SLC14A2: variants seen among roughly 807,000 people sequenced by gnomAD.
SLC14A2 encodes solute carrier family 14 member 2.
A neutral mutation model predicts 104.6 loss-of-function variants in SLC14A2; 91 were observed. The ratio of observed to expected loss-of-function variants is 0.87; its 90% CI spans 0.73 to 1.04. The LOEUF is 1.04. Ranked by LOEUF, SLC14A2 falls within the 50% of genes least tolerant of loss-of-function variation. SLC14A2 has a pLI of 0.00. For missense variants in SLC14A2, 1,189 were observed against 1,156.0 expected, an observed-to-expected ratio of 1.03 and a Z score of -0.41; for synonymous variants, 476 against 466.4, an observed-to-expected ratio of 1.02 and a Z score of -0.27.
intron 17 of SLC14A2, among the ~76,000 whole-genome samples, chr18:45,673,375 G>A (rs114343637): frequency 0.032 from 4,911 of 152,234 alleles, 88 homozygotes; most frequent in African/African-American, 0.036. Context: ...TTAAGGTATC[G>A]ATGAAGGAGG....
intron 1 of SLC14A2, among the ~76,000 whole-genome samples, chr18:45,482,889 G>A (rs1482538197): frequency 6.6e-6 from 1 of 152,106 alleles, no homozygotes; most frequent in Admixed American, 6.6e-5. Context: ...TTATTTACTG[G>A]CAAAGGATAT....
intron 2 of SLC14A2, among the ~76,000 whole-genome samples, chr18:45,502,121 TG>T (rs941300602): frequency 4.6e-5 from 7 of 152,180 alleles, no homozygotes; most frequent in Admixed American, 6.5e-5. Context: ...GACTTTAGTG[TG>T]GGGCAGAAGA....
At chr18:45,432,556 C>T (rs546290525) in intron 1 of SLC14A2, among the ~76,000 whole-genome samples, 3 of 152,250 alleles carry the variant, frequency 2.0e-5, no homozygotes, top group South Asian at 2.1e-4. Context: ...CCAGAGTGAT[C>T]TAGGGGAGAC....
At position 45,358,620 on chromosome 18, in the gene SLC14A2, C is replaced by G. The variant is rs1359784519; in HGVS notation, c.-124-124613C>G. ...GGAGACAGGGTCTTGCTGTGTTGCC[C>G]AGACTGAAGAGCAGTGACATAATTA... On this transcript the variant is annotated intron_variant, in intron 1 of 20. Transcript: ENST00000586448. 3.9e-5 allele frequency among the ~76,000 whole-genome samples: 6 copies of G among 152,238 alleles called. No individual in the cohort carries two copies. The East Asian group carries it at 1.2e-3, about 29-fold the overall frequency.
Position 45,615,900 on chromosome 18 carries a change from A to G in SLC14A2, c.-35+318A>G, listed in dbSNP as rs115191509. On this transcript the variant is annotated intron_variant, in intron 1 of 19. Transcript: ENST00000255226. ...ACTACATTGTGAAATAGTCCACCAC[A>G]CAAGCCAGAGCAGAGGTCACCATGC... Among the ~76,000 whole-genome samples the G allele has an allele frequency of 7.6e-3, 1,164 of 152,248 alleles. 22 individuals carry two copies. The highest frequency in any genetic ancestry group is 0.027 in the African/African-American group (1,111 of 41,526).
chr18:45,170,272 G>A, the SLC14A2 span, among the ~76,000 whole-genome samples: 2 of 152,102 alleles, frequency 1.3e-5, no homozygotes, highest in Non-Finnish European at 2.9e-5. Context: ...GGTAGGATTT[G>A]GAGAGGCAGA....
chr18:45,250,387 C>T (rs1159652382), intron 1 of SLC14A2, among the ~76,000 whole-genome samples: 2 of 152,132 alleles, frequency 1.3e-5, no homozygotes, highest in Non-Finnish European at 2.9e-5. Context: ...CTTTATAACA[C>T]GTGATTGTCA....
intron 1 of SLC14A2, among the ~76,000 whole-genome samples, chr18:45,339,867 G>A (rs958369176): frequency 6.6e-6 from 1 of 152,234 alleles, no homozygotes; most frequent in Non-Finnish European, 1.5e-5. Flanking sequence ...TGTTAATAGT[G>A]CCAGGACAAC....
upstream of SLC14A2, among the ~76,000 whole-genome samples, chr18:45,208,877 C>T (rs1451021289): frequency 6.6e-6 from 1 of 151,670 alleles, no homozygotes. Flanking sequence ...GTAGCATGAA[C>T]ATAGAAATAC....
At chr18:45,679,644 T>C (rs1394484298) in intron 19 of SLC14A2, among the ~76,000 whole-genome samples, 1 of 152,160 alleles carries the variant, frequency 6.6e-6, no homozygotes, top group Non-Finnish European at 1.5e-5. Flanking sequence ...AGGGCACACT[T>C]TGCATGGACA....
intron 1 of SLC14A2, among the ~76,000 whole-genome samples, chr18:45,218,052 G>A (rs914167413): frequency 6.6e-6 from 1 of 151,994 alleles, no homozygotes; most frequent in East Asian, 1.9e-4. Flanking sequence ...CCATTTTAAC[G>A]ATCTTTAAGT....
the SLC14A2 span, among the ~76,000 whole-genome samples, chr18:45,190,825 C>T: frequency 6.7e-4 from 102 of 152,256 alleles, no homozygotes; most frequent in African/African-American, 2.2e-3. Context: ...AGAAAACTAG[C>T]ACTCAGAGGT....
intron 1 of SLC14A2, among the ~76,000 whole-genome samples, chr18:45,359,841 T>A (rs1252146235): frequency 6.6e-6 from 1 of 152,212 alleles, no homozygotes; most frequent in Non-Finnish European, 1.5e-5. Context: ...TCTGTCCAAC[T>A]GATGAAATGA....
At chr18:45,391,473 T>C (rs975003832) in intron 1 of SLC14A2, among the ~76,000 whole-genome samples, 2 of 152,238 alleles carry the variant, frequency 1.3e-5, no homozygotes, top group African/African-American at 2.4e-5. Flanking sequence ...ATGGTATTTC[T>C]AGTTCTAGAT....
chr18:45,559,847 C>T (rs12456563), intron 2 of SLC14A2, among the ~76,000 whole-genome samples: 2 of 152,182 alleles, frequency 1.3e-5, no homozygotes, highest in African/African-American at 4.8e-5. Context: ...GTGCCAGAAC[C>T]CACAGGATCC....
chr18:45,243,134 T>C (rs1309650549), intron 1 of SLC14A2, among the ~76,000 whole-genome samples: 1 of 152,210 alleles, frequency 6.6e-6, no homozygotes, highest in African/African-American at 2.4e-5. Flanking sequence ...TATTCAGTTG[T>C]AGTAATTACC....
chr18:45,656,006 C>A (rs1319876672), intron 10 of SLC14A2, among the ~76,000 whole-genome samples: 1 of 152,202 alleles, frequency 6.6e-6, no homozygotes, highest in Non-Finnish European at 1.5e-5. Flanking sequence ...CCTCAGTTTC[C>A]TTCTGCCAAT....
intron 1 of SLC14A2, among the ~76,000 whole-genome samples, chr18:45,335,440 G>C (rs539974330): frequency 1.3e-5 from 2 of 150,744 alleles, no homozygotes; most frequent in African/African-American, 4.9e-5. Flanking sequence ...GTAGAGGAAG[G>C]AGGCATAAAC....
chr18:45,525,631 A>T (rs1266124692), intron 2 of SLC14A2, among the ~76,000 whole-genome samples: 1 of 152,244 alleles, frequency 6.6e-6, no homozygotes, highest in Non-Finnish European at 1.5e-5. Context: ...AAATGCTCAC[A>T]AACTTAACTA....
Sources: gnomAD v4.1 joint callset for allele counts (sites outside exome capture counted in the v4.1 genomes callset) on GRCh38, gnomAD v4.1.1 for gene constraint, MANE v1.5 for transcripts, NCBI Gene and HGNC (gene_info 2026-07-23, HGNC 2026-07-21) for gene names.